Variants in RIT2 observed in about 807,000 individuals in gnomAD.
RIT2 encodes the protein Ras like without CAAX 2, also known as GTP-binding protein Rit2.
RIT2 carries 24 observed loss-of-function variants against 23.7 expected under a neutral mutation model. The ratio of observed to expected loss-of-function variants is 1.01; its 90% CI spans 0.73 to 1.43. The LOEUF (loss-of-function observed/expected upper bound fraction) is 1.43, where lower values mean the gene tolerates loss of function less well. RIT2 is among the 40% of genes most tolerant of loss of function. RIT2 has a pLI of 0.00. For missense variants in RIT2, 236 were observed against 266.9 expected (o/e 0.88, Z 0.81); for synonymous variants, 107 against 91.1 (o/e 1.17, Z -0.99).
At chr18:43,006,419 T>C (rs770319480) in intron 2 of RIT2, among the ~76,000 whole-genome samples, 2 of 151,568 alleles carry the variant, frequency 1.3e-5, no homozygotes, top group Non-Finnish European at 3.0e-5. Context: ...TCACCAAACA[T>C]TTGAGAATGT....
chr18:42,778,133 A>G (rs1480177828), intron 4 of RIT2, among the ~76,000 whole-genome samples: 3 of 139,516 alleles, frequency 2.2e-5, no homozygotes, highest in Admixed American at 7.0e-5. Flanking sequence ...ACAGAGTAGG[A>G]CTGATCTACA....
intron 2 of RIT2, among the ~76,000 whole-genome samples, chr18:42,995,080 C>A (rs1246388745): frequency 5.3e-5 from 8 of 152,162 alleles, no homozygotes; most frequent in African/African-American, 1.9e-4. Flanking sequence ...ACCCTGATCA[C>A]ACTTAGTTTA....
At chr18:42,836,285 A>G (rs72905030) in intron 4 of RIT2, among the ~76,000 whole-genome samples, 1,905 of 152,204 alleles carry the variant, frequency 0.013, 20 homozygotes, top group Non-Finnish European at 0.02. Flanking sequence ...AGGATCTACA[A>G]TAGATTCCGT....
At chr18:42,777,232 C>A in intron 4 of RIT2, among the ~76,000 whole-genome samples, 1 of 148,162 alleles carries the variant, frequency 6.7e-6, no homozygotes, top group African/African-American at 2.5e-5. Context: ...TTAAGCCTTC[C>A]AATGGAGAAG....
At chr18:42,779,873 A>T (rs1330951356) in intron 4 of RIT2, among the ~76,000 whole-genome samples, 1 of 152,150 alleles carries the variant, frequency 6.6e-6, no homozygotes, top group Non-Finnish European at 1.5e-5. Flanking sequence ...TGAGCAGGTT[A>T]CTTAATATCC....
chr18:42,988,390 A>G (rs529769755), intron 2 of RIT2, among the ~76,000 whole-genome samples: 1 of 152,314 alleles, frequency 6.6e-6, no homozygotes, highest in South Asian at 2.1e-4. Flanking sequence ...CTAGTCTATA[A>G]CAATTGTATT....
chr18:43,017,966 C>T (rs556479525), intron 2 of RIT2, among the ~76,000 whole-genome samples: 9 of 152,100 alleles, frequency 5.9e-5, no homozygotes, highest in East Asian at 1.9e-4. Context: ...GATACACACA[C>T]GTTTACTGCA....
chr18:43,039,312 T>C (rs905485233), intron 1 of RIT2, among the ~76,000 whole-genome samples: 4 of 151,986 alleles, frequency 2.6e-5, no homozygotes, highest in Admixed American at 2.6e-4. Flanking sequence ...AGCCTTGTAA[T>C]GGCACCAGAA....
At chr18:43,029,985 A>G (rs1468200691) in intron 2 of RIT2, among the ~76,000 whole-genome samples, 1 of 152,048 alleles carries the variant, frequency 6.6e-6, no homozygotes, top group Non-Finnish European at 1.5e-5. Flanking sequence ...TTTAAAAATG[A>G]TTAATGCTTT....
At chr18:42,834,639 TA>T (rs1200815033) in intron 4 of RIT2, among the ~76,000 whole-genome samples, 1 of 152,088 alleles carries the variant, frequency 6.6e-6, no homozygotes, top group East Asian at 1.9e-4. Flanking sequence ...TAAGATTATA[TA>T]AAAATTAATT....
At chr18:43,022,862 A>G (rs2144267622) in intron 2 of RIT2, among the ~76,000 whole-genome samples, 1 of 152,234 alleles carries the variant, frequency 6.6e-6, no homozygotes, top group South Asian at 2.1e-4. Flanking sequence ...CAACAGCGAT[A>G]AGATTATACT....
At chr18:42,828,020 A>G (rs1284211946) in intron 4 of RIT2, among the ~76,000 whole-genome samples, 1 of 151,152 alleles carries the variant, frequency 6.6e-6, no homozygotes, top group Admixed American at 6.6e-5. Flanking sequence ...AAAAAAAAAA[A>G]AAAAAAAGAA....
At chr18:42,751,763 T>G (rs1423511679) in intron 4 of RIT2, among the ~76,000 whole-genome samples, 3 of 152,012 alleles carry the variant, frequency 2.0e-5, no homozygotes, top group Admixed American at 1.3e-4. Flanking sequence ...ATAACATTAA[T>G]TTTCACATTT....
chr18:43,094,384 G>A (rs1315653219), intron 1 of RIT2, among the ~76,000 whole-genome samples: 1 of 151,702 alleles, frequency 6.6e-6, no homozygotes, highest in Non-Finnish European at 1.5e-5. Context: ...GTGGATCAGT[G>A]GTCATACATT....
intron 4 of RIT2, among the ~76,000 whole-genome samples, chr18:42,871,169 A>G (rs965423413): frequency 6.6e-6 from 1 of 152,214 alleles, no homozygotes; most frequent in Non-Finnish European, 1.5e-5. Context: ...CACAGCTCCT[A>G]TTCATCACCT....
chr18:42,948,837 A>T, intron 3 of RIT2: 1 of 389,966 alleles, frequency 2.6e-6, no homozygotes, highest in South Asian at 1.4e-4. Context: ...CAAACCACCC[A>T]CTTTCCTCTC....
At chr18:43,050,829 C>T (rs1407120228) in intron 1 of RIT2, among the ~76,000 whole-genome samples, 1 of 152,122 alleles carries the variant, frequency 6.6e-6, no homozygotes. Flanking sequence ...TCCTGGAGGA[C>T]AGCACACCGA....
At chr18:43,040,155 T>C (rs1912094534) in intron 1 of RIT2, among the ~76,000 whole-genome samples, 1 of 152,168 alleles carries the variant, frequency 6.6e-6, no homozygotes, top group Non-Finnish European at 1.5e-5. Context: ...TGCTAGATAT[T>C]GGCAATACCA....
At chr18:43,108,007 C>CA (rs5824469) in intron 1 of RIT2, among the ~76,000 whole-genome samples, 14,989 of 136,148 alleles carry the variant, frequency 0.11, 798 homozygotes, top group East Asian at 0.13. Flanking sequence ...ACTAAAAATA[C>CA]AAAAAAAAAA....
Sources: gnomAD v4.1 joint callset for allele counts (sites outside exome capture counted in the v4.1 genomes callset) on GRCh38, gnomAD v4.1.1 for gene constraint, MANE v1.5 for transcripts, NCBI Gene and HGNC (gene_info 2026-07-23, HGNC 2026-07-21) for gene names.